The following EIF5B variants were observed in gnomAD, a reference collection of about 807,000 sequenced individuals.
The protein encoded by EIF5B is eukaryotic translation initiation factor 5B.
In EIF5B, 47 loss-of-function variants were observed where a neutral mutation model predicts 147.5. The ratio of observed to expected loss-of-function variants is 0.32; its 90% CI spans 0.25 to 0.41. The LOEUF is 0.41. Ranked by LOEUF, EIF5B falls within the 10% of genes least tolerant of loss-of-function variation. EIF5B has a pLI of 1.00. For synonymous variants in EIF5B, 455 were observed against 456.2 expected (o/e 1.00, Z 0.03); for missense variants, 1,064 against 1,413.2 (o/e 0.75, Z 3.96).
intron 6 of EIF5B, among the ~76,000 whole-genome samples, chr2:99,368,058 A>G (rs960822016): frequency 6.6e-6 from 1 of 152,242 alleles, no homozygotes; most frequent in Non-Finnish European, 1.5e-5. Flanking sequence ...AAGTATTGAC[A>G]TGTGCAGCAG....
At chr2:99,385,871 C>T (rs532430268) in intron 14 of EIF5B, among the ~76,000 whole-genome samples, 3 of 152,214 alleles carry the variant, frequency 2.0e-5, no homozygotes, top group African/African-American at 4.8e-5. Flanking sequence ...TGTTACTTTG[C>T]AGTCATTCTG....
At chr2:99,348,564 C>T (rs1467630090) in intron 1 of EIF5B, among the ~76,000 whole-genome samples, 2 of 152,132 alleles carry the variant, frequency 1.3e-5, no homozygotes, top group African/African-American at 2.4e-5. Flanking sequence ...CTGAATTTCC[C>T]GGTTTCTCTT....
chr2:99,360,197 T>C, intron 1 of EIF5B, 39 bp from the exon 2 acceptor site: 1 of 1,555,062 alleles, frequency 6.4e-7, no homozygotes, highest in Non-Finnish European at 8.6e-7. Context: ...ATTATTTTGC[T>C]TTTAAGTAGC....
intron 17 of EIF5B, among the ~76,000 whole-genome samples, chr2:99,392,534 G>C (rs1674959660): frequency 6.6e-6 from 1 of 152,076 alleles, no homozygotes; most frequent in African/African-American, 2.4e-5. Flanking sequence ...TGGATGTTAG[G>C]TTTTAAATTT....
At chr2:99,393,629 GCTCT>G (rs1674982983) in intron 18 of EIF5B, among the ~76,000 whole-genome samples, 1 of 152,178 alleles carries the variant, frequency 6.6e-6, no homozygotes, top group African/African-American at 2.4e-5. Flanking sequence ...CCAGCACATG[GCTCT>G]TGTGTCCTGG....
In EIF5B at chr2:99,381,514, AGG is replaced by A. The variant is rs199618931; in HGVS notation, c.2062-641_2062-640del. Among the ~76,000 whole-genome samples, 745 of 138,350 alleles carry A rather than the reference AGG, an allele frequency of 5.4e-3. 7 individuals carry two copies. The highest frequency in any genetic ancestry group is 0.016 in the South Asian group (66 of 4,060). 90.8% of individuals were successfully genotyped at this position (138,350 alleles called of 152,430 possible). The stretch of plus-strand genomic sequence containing the variant: ...AAATGTAGATAAGCATAATACAAAA[AGG>A]GGGTGTGTGTGTGTGTGTGTGTGTG... On this transcript the variant is annotated intron_variant, in intron 12 of 23. Coordinates refer to ENST00000289371, the MANE Select transcript of EIF5B (RefSeq NM_015904.4).
At position 99,360,521 on chromosome 2, in the gene EIF5B, A is replaced by G. The variant is rs770014660; in HGVS notation, c.218A>G (p.Lys73Arg). 3 of 1,613,690 alleles carry G rather than the reference A, an allele frequency of 1.9e-6. No individual in the cohort carries two copies. Among genetic ancestry groups the G allele is most frequent in the East Asian group, 4.5e-5 (2 of 44,862 alleles). ...TTGTCTTTGGAAGCTCAAGGCATCA[A>G]AGCTGACAGAGAAACTGTTGCAGTG... is the stretch of plus-strand genomic sequence containing the variant. ...EELSLEAQGI[K>R]ADRETVAVKP... The change falls in exon 3 of 24, where the codon AAA becomes AGA. Residue 73 changes from lysine (K) to arginine (R), a missense_variant. Transcript: ENST00000289371.
intron 1 of EIF5B, among the ~76,000 whole-genome samples, chr2:99,349,944 C>G (rs527727065): frequency 6.6e-6 from 1 of 152,318 alleles, no homozygotes; most frequent in East Asian, 1.9e-4. Flanking sequence ...CATTCCCTCT[C>G]CTTCCTACTC....
At chr2:99,360,766 T>G (rs1467389327) in intron 3 of EIF5B, among the ~76,000 whole-genome samples, 1 of 152,208 alleles carries the variant, frequency 6.6e-6, no homozygotes, top group Non-Finnish European at 1.5e-5. Context: ...AGTTGTGATG[T>G]AATCACTCGT....
Position 99,399,516 on chromosome 2 carries a change from G to C in EIF5B, c.*102G>C. On this transcript the variant is annotated 3_prime_UTR_variant, in exon 24 of 24. Coordinates refer to ENST00000289371, the MANE Select transcript of EIF5B (RefSeq NM_015904.4). ...GGAACAGACGTATTTGGACACTGAT[G>C]GACTTAAGTATGGAAGGAAGAAAAA... 9.4e-7 allele frequency: 1 copy of C among 1,058,888 alleles called. No homozygotes were observed. The highest frequency in any genetic ancestry group is 1.4e-5 in the South Asian group (1 of 71,386). The allele number at this position is 1,058,888 out of a possible 1,614,324, so 65.6% of individuals were successfully genotyped here. A position where few individuals can be genotyped will look rare whatever the true frequency, so the allele number is the denominator to read the frequency against.
At chr2:99,378,887 A>G (rs1006792216) in intron 10 of EIF5B, 132 bp from the exon 11 acceptor site, 1 of 618,576 alleles carries the variant, frequency 1.6e-6, no homozygotes, top group Admixed American at 3.6e-5. Context: ...AATTCCAATT[A>G]TGTGTAGTCA....
intron 14 of EIF5B, among the ~76,000 whole-genome samples, chr2:99,386,307 G>T (rs898280509): frequency 8.5e-5 from 13 of 152,134 alleles, no homozygotes; most frequent in African/African-American, 2.9e-4. Context: ...TGAAAAATAT[G>T]TTCAAAATCC....
chr2:99,388,245 TG>T (rs1370870214), intron 14 of EIF5B, among the ~76,000 whole-genome samples: 1 of 152,218 alleles, frequency 6.6e-6, no homozygotes, highest in East Asian at 1.9e-4. Context: ...AATGCAGTTA[TG>T]TTTTTTTCCC....
intron 1 of EIF5B, among the ~76,000 whole-genome samples, chr2:99,352,283 C>T (rs1438204883): frequency 6.6e-6 from 1 of 151,476 alleles, no homozygotes; most frequent in African/African-American, 2.4e-5. Flanking sequence ...GCAACCTCCG[C>T]CTCCTGGGTT....
chr2:99,364,535 C>A (rs1212267396), intron 6 of EIF5B, 114 bp downstream of exon 6: 4 of 1,081,792 alleles, frequency 3.7e-6, no homozygotes, highest in Non-Finnish European at 5.1e-6. Context: ...TATGAAAAAT[C>A]TGTGAAAAAG....
intron 1 of EIF5B, among the ~76,000 whole-genome samples, chr2:99,339,766 A>G (rs1175569486): frequency 2.0e-5 from 3 of 152,178 alleles, no homozygotes; most frequent in African/African-American, 7.2e-5. Context: ...GTGTCTTTTT[A>G]GGGAAAAGTG....
At position 99,398,768 on chromosome 2, in the gene EIF5B, A is replaced by T; in HGVS notation, c.3414A>T (p.Val1138=). The change falls in exon 23 of 24, where the codon GTA becomes GTT. Residue 1138 remains valine (V), a synonymous_variant. Transcript: ENST00000289371. ...TATAGTTTGTTGACATCGGAATAGT[A>T]ACAAGTATTGAAATAAACCATAAAC... is the stretch of plus-strand genomic sequence containing the variant. ...PSKNFVDIGI[V]TSIEINHKQV... The T allele has an allele frequency of 6.2e-7, 1 of 1,612,796 alleles. No individual in the cohort carries two copies. Among genetic ancestry groups the T allele is most frequent in the Non-Finnish European group, 8.5e-7 (1 of 1,179,634 alleles).
Position 99,398,849 on chromosome 2 carries a change from T to G in EIF5B, c.3495T>G (p.Pro1165=). The G allele has an allele frequency of 6.2e-7, 1 of 1,614,162 alleles. No individual in the cohort carries two copies. The highest frequency in any genetic ancestry group is 1.3e-5 in the African/African-American group (1 of 75,052). Residue 1165 remains proline (P), a synonymous_variant, in exon 23 of 24, where the codon CCT becomes CCG. Transcript: ENST00000289371. The part of the protein sequence containing the change: ...QEVCVKIEPI[P]GESPKMFGRH... ...TTTGTGTAAAAATAGAACCTATCCCTGGTGAGTCACCCAAAATGTTTGGAA... is the reference window on the plus strand; with the variant it reads ...TTTGTGTAAAAATAGAACCTATCCCGGGTGAGTCACCCAAAATGTTTGGAA...
chr2:99,392,656 C>T (rs1231216042), intron 17 of EIF5B, among the ~76,000 whole-genome samples: 2 of 152,124 alleles, frequency 1.3e-5, no homozygotes, highest in Non-Finnish European at 2.9e-5. Context: ...TTTCCTCCTT[C>T]GTGAGATGTA....
Sources: allele counts gnomAD v4.1 joint callset (sites outside exome capture counted in the v4.1 genomes callset), GRCh38; gene constraint gnomAD v4.1.1; transcripts MANE v1.5; gene names NCBI Gene and HGNC (gene_info 2026-07-23, HGNC 2026-07-21).